CSF2RA: variants seen among roughly 807,000 people sequenced by gnomAD.
The protein encoded by CSF2RA is colony stimulating factor 2 receptor subunit alpha, also known as granulocyte-macrophage colony-stimulating factor receptor subunit alpha.
In CSF2RA, 42 loss-of-function variants were observed where a neutral mutation model predicts 51.6. The ratio of observed to expected loss-of-function variants is 0.81; its 90% CI spans 0.64 to 1.05. The LOEUF (loss-of-function observed/expected upper bound fraction) is 1.05. Among genes scored for constraint, CSF2RA ranks in the 50% least tolerant of loss-of-function variants. CSF2RA has a pLI of 0.00. For synonymous variants in CSF2RA, 222 were observed against 193.0 expected (o/e 1.15, Z -1.24); for missense variants, 530 against 501.1 (o/e 1.06, Z -0.55).
At chrX:1,300,701 T>C in intron 10 of CSF2RA, 75 bp downstream of exon 10, 1 of 1,596,804 alleles carries the variant, frequency 6.3e-7, no homozygotes, top group Non-Finnish European at 8.6e-7. Context: ...GGTCAGGTGC[T>C]CTGTCCTGGG....
chrX:1,290,627 G>T, intron 7 of CSF2RA, 118 bp downstream of exon 7: 1 of 971,548 alleles, frequency 1.0e-6, no homozygotes, highest in East Asian at 2.4e-5. Context: ...CACTTTGGGA[G>T]GCCGAGGCGG....
At chrX:1,314,496 T>C (rs1368188823), downstream of CSF2RA, among the ~76,000 whole-genome samples, 2,721 of 82,586 alleles carry the variant, frequency 0.033, 72 homozygotes, top group Non-Finnish European at 0.043. Flanking sequence ...AACCCCACTG[T>C]GCCTGCCCAA....
chrX:1,307,628 T>TTC (rs2083754136), intron 12 of CSF2RA, among the ~76,000 whole-genome samples: 3 of 77,490 alleles, frequency 3.9e-5, no homozygotes, highest in East Asian at 6.6e-4. Context: ...AGGCCCACCC[T>TTC]CCCCTTTATA....
intron 2 of CSF2RA, among the ~76,000 whole-genome samples, chrX:1,275,226 G>T (rs1451863298): frequency 2.6e-5 from 4 of 151,800 alleles, no homozygotes; most frequent in Non-Finnish European, 4.4e-5. Context: ...CCCCATCTCT[G>T]CTAAAAATAC....
rs2091299213 is a variant in CSF2RA, at chrX:1,290,473, C to T, written c.610C>T (p.Gln204Ter). Reference protein sequence around the residue: ...VNGTSREIGIQFFDSLLDTKK... With the variant: ...VNGTSREIGI ...CGGAACCAGCCGAGAAATTGGCATC[C>T]AATTCTTTGATTCACTTTTGGACAC... is the stretch of plus-strand genomic sequence containing the variant. Residue 204 changes from glutamine (Q) to a stop codon, truncating the protein, a stop_gained, in exon 7 of 13, where the codon CAA becomes TAA. Transcript: ENST00000381529. LOFTEE classifies it high-confidence loss of function. The T allele has an allele frequency of 1.2e-6, 2 of 1,613,670 alleles. No individual in the cohort carries two copies. The highest frequency in any genetic ancestry group is 3.3e-5 in the Admixed American group (2 of 59,942).
At chrX:1,299,154 C>G (rs2092208896) in intron 9 of CSF2RA, among the ~76,000 whole-genome samples, 1 of 152,186 alleles carries the variant, frequency 6.6e-6, no homozygotes, top group South Asian at 2.1e-4. Flanking sequence ...TATGCTCAGC[C>G]TGTTCTACTG....
In CSF2RA at chrX:1,273,363, G is replaced by A. The variant is rs369171597; in HGVS notation, c.-90-1392G>A. ...GTCTCATTCTGTTTCCAAGGCTGGA[G>A]TGCAGTGGTGCAATCTTGGCTCCCT... On this transcript the variant is annotated intron_variant, in intron 1 of 12. Coordinates refer to ENST00000381529, the MANE Select transcript of CSF2RA (RefSeq NM_172245.4). Among the ~76,000 whole-genome samples, 25 of 152,094 alleles carry A rather than the reference G, an allele frequency of 1.6e-4. 1 individual carries two copies. The highest frequency in any genetic ancestry group is 5.3e-4 in the African/African-American group (22 of 41,486).
chrX:1,295,696 T>G (rs2091874685), intron 9 of CSF2RA: 2 of 488,190 alleles, frequency 4.1e-6, no homozygotes, highest in Admixed American at 6.6e-5. Flanking sequence ...AGTCCCCTAC[T>G]CACCACACCT....
At chrX:1,315,769 TAATAGATAGATA>T in the CSF2RA span, among the ~76,000 whole-genome samples, 200 of 112,890 alleles carry the variant, frequency 1.8e-3, no homozygotes, top group African/African-American at 6.5e-3. Context: ...ATAAAATAGA[TAATAGATAGATA>T]GATAGATAGA....
In CSF2RA at chrX:1,287,387, C is replaced by CAA. The variant is rs1467513255; in HGVS notation, c.220-1132_220-1131insAA. ...CAGGCTGGTCTCCAACTCCTGACCT[C>CAA]GTGATCCACCCTCCTTGGCCTCCCA... On this transcript the variant is annotated intron_variant, in intron 4 of 12. Coordinates refer to ENST00000381529, the MANE Select transcript of CSF2RA (RefSeq NM_172245.4). 8.3e-4 allele frequency among the ~76,000 whole-genome samples: 121 copies of CAA among 146,486 alleles called. 1 individual carries two copies. The highest frequency in any genetic ancestry group is 3.5e-3 in the South Asian group (16 of 4,564).
At chrX:1,299,521 G>A (rs1456641043) in intron 9 of CSF2RA, among the ~76,000 whole-genome samples, 3 of 151,944 alleles carry the variant, frequency 2.0e-5, no homozygotes, top group African/African-American at 4.8e-5. Context: ...ACCTCCCAGC[G>A]ATTGTCCTGC....
At chrX:1,302,356 G>C (rs1278311957) in intron 10 of CSF2RA, among the ~76,000 whole-genome samples, 1 of 152,070 alleles carries the variant, frequency 6.6e-6, no homozygotes, top group Non-Finnish European at 1.5e-5. Context: ...CCTCAACAAA[G>C]GGTACAGAAG....
intron 1 of CSF2RA, among the ~76,000 whole-genome samples, chrX:1,270,946 G>A (rs368599136): frequency 3.4e-5 from 5 of 148,316 alleles, no homozygotes; most frequent in African/African-American, 1.0e-4. Flanking sequence ...GAAGGCTGAG[G>A]TGACAGAGGA....
Position 1,288,904 on chromosome X carries a change from A to C in CSF2RA, c.473+16A>C. The C allele has an allele frequency of 3.1e-6, 1 of 324,564 alleles. No homozygotes were observed. Among genetic ancestry groups the C allele is most frequent in the South Asian group, 4.3e-5 (1 of 23,394 alleles). 20.1% of individuals were successfully genotyped at this position (324,564 alleles called of 1,614,324 possible). Reference sequence around the variant, plus strand: ...GAAACTCAAAGTAAGTGTTCACCTCATGTGAAGAATTATGAGGAATGCAGG... The same window carrying C: ...GAAACTCAAAGTAAGTGTTCACCTCCTGTGAAGAATTATGAGGAATGCAGG... On this transcript the variant is annotated intron_variant, in intron 6 of 12. Coordinates refer to ENST00000381529, the MANE Select transcript of CSF2RA (RefSeq NM_172245.4).
chrX:1,275,744 G>C (rs1333788635), intron 2 of CSF2RA, among the ~76,000 whole-genome samples: 3 of 151,706 alleles, frequency 2.0e-5, no homozygotes, highest in African/African-American at 7.3e-5. Flanking sequence ...ATTTTTAGTA[G>C]AGAAGGGGTT....
chrX:1,301,897 T>C (rs868664201), intron 10 of CSF2RA, among the ~76,000 whole-genome samples: 63 of 143,154 alleles, frequency 4.4e-4, no homozygotes, highest in Non-Finnish European at 5.6e-4. Context: ...TGAGCCACCG[T>C]GCCCGGCCCT....
chrX:1,291,486 C>G (rs1296053460), intron 7 of CSF2RA, among the ~76,000 whole-genome samples: 1 of 151,802 alleles, frequency 6.6e-6, no homozygotes, highest in Non-Finnish European at 1.5e-5. Flanking sequence ...TCCCAGTGCC[C>G]TGCTCCTGGC....
At chrX:1,323,743 A>C in the CSF2RA span, among the ~76,000 whole-genome samples, 1 of 150,764 alleles carries the variant, frequency 6.6e-6, no homozygotes, top group South Asian at 2.1e-4. Flanking sequence ...GGCTGGGCGC[A>C]GTGGCTCACG....
At position 1,295,554 on chromosome X, in the gene CSF2RA, C is replaced by A. The variant is rs1256899809; in HGVS notation, c.810+98C>A. On this transcript the variant is annotated intron_variant, in intron 9 of 12. Transcript: ENST00000381529. ...TAACTCTACAGTCCCCTACTCATGA[C>A]CCCTACAGTCCCCTACCGACGACCT... The A allele has an allele frequency of 4.2e-5, 37 of 874,900 alleles. No individual in the cohort carries two copies. In the African/African-American group the frequency reaches 5.2e-4, roughly 12 times the overall value. The allele number at this position is 874,900 out of a possible 1,614,324, so 54.2% of individuals were successfully genotyped here. A position where few individuals can be genotyped will look rare whatever the true frequency, so the allele number is the denominator to read the frequency against.
Sources: allele counts gnomAD v4.1 joint callset (sites outside exome capture counted in the v4.1 genomes callset), GRCh38; gene constraint gnomAD v4.1.1; transcripts MANE v1.5; gene names NCBI Gene and HGNC (gene_info 2026-07-23, HGNC 2026-07-21).